Variants in ORC3 observed in about 807,000 individuals in gnomAD.
The protein encoded by ORC3 is homolog of latheo, Drosophila.
A neutral mutation model predicts 100.7 loss-of-function variants in ORC3; 78 were observed. The observed-to-expected ratio is 0.77, with a 90% CI of 0.65 to 0.94. ORC3 has a LOEUF of 0.94. ORC3 is among the 40% of genes least tolerant of loss of function. The pLI, the probability that ORC3 is intolerant of heterozygous loss-of-function variation, is 0.00. For synonymous variants in ORC3, 295 were observed against 289.3 expected (o/e 1.02, Z -0.20); for missense variants, 789 against 823.9 (o/e 0.96, Z 0.52).
downstream of ORC3, among the ~76,000 whole-genome samples, chr6:87,668,970 G>A (rs182517353): frequency 4.2e-3 from 633 of 151,952 alleles, 3 homozygotes; most frequent in Non-Finnish European, 7.2e-3. Flanking sequence ...GCGACAGAGC[G>A]AGACTCTGTA....
At chr6:87,594,020 T>G (rs1227156156) in intron 1 of ORC3, among the ~76,000 whole-genome samples, 2 of 152,256 alleles carry the variant, frequency 1.3e-5, no homozygotes, top group Non-Finnish European at 2.9e-5. Context: ...TATTAATTCC[T>G]TTAAGTTTAT....
Position 87,656,920 on chromosome 6 carries a change from G to A in ORC3, c.1531G>A (p.Glu511Lys), listed in dbSNP as rs763237561. The change falls in exon 15 of 20, where the codon GAA becomes AAA. Residue 511 changes from glutamate to lysine, a missense_variant. By Grantham distance (56) the Glu-to-Lys change is moderately conservative (BLOSUM62 1). Coordinates refer to ENST00000392844, the MANE Select transcript of ORC3 (RefSeq NM_012381.4). Reference sequence around the variant, plus strand: ...ATTAAAAGCAGAAACCAAAGAGGAAGAAGATGCTTCTGGGTCACAGCCAAA... The same window carrying A: ...ATTAAAAGCAGAAACCAAAGAGGAAAAAGATGCTTCTGGGTCACAGCCAAA... ...FQSLDETKEE[E>K]DASGSQPKGL... 4.3e-6 allele frequency: 7 copies of A among 1,612,362 alleles called. No homozygotes were observed. In the Admixed American group the frequency reaches 1.2e-4, roughly 27 times the overall value.
intron 16 of ORC3, among the ~76,000 whole-genome samples, chr6:87,659,267 T>G (rs1184564992): frequency 6.6e-6 from 1 of 151,746 alleles, no homozygotes; most frequent in Non-Finnish European, 1.5e-5. Context: ...TTTCACCATG[T>G]TGGTCAGGCT....
intron 17 of ORC3, among the ~76,000 whole-genome samples, chr6:87,664,051 T>C (rs1770409095): frequency 6.6e-6 from 1 of 152,158 alleles, no homozygotes; most frequent in South Asian, 2.1e-4. Flanking sequence ...TCAGTTAATT[T>C]TAATATATAA....
At chr6:87,599,345 CTTTTT>C (rs111578013) in intron 2 of ORC3, among the ~76,000 whole-genome samples, 19 of 139,818 alleles carry the variant, frequency 1.4e-4, no homozygotes, top group African/African-American at 5.3e-4. Context: ...TGCTTTGTCT[CTTTTT>C]TTTATTATTT....
intron 11 of ORC3, among the ~76,000 whole-genome samples, chr6:87,633,030 G>C (rs1004857691): frequency 1.3e-5 from 2 of 152,150 alleles, no homozygotes; most frequent in African/African-American, 4.8e-5. Context: ...TGAGTATGCA[G>C]TATTGCCCTA....
chr6:87,606,253 G>A (rs1019670639), intron 5 of ORC3, among the ~76,000 whole-genome samples: 6 of 152,076 alleles, frequency 3.9e-5, no homozygotes, highest in African/African-American at 7.2e-5. Flanking sequence ...CTTAACTGCC[G>A]GTAGCAGTCC....
At chr6:87,619,727 A>G (rs748640248) in intron 9 of ORC3, among the ~76,000 whole-genome samples, 15 of 152,156 alleles carry the variant, frequency 9.9e-5, no homozygotes, top group Non-Finnish European at 1.5e-4. Context: ...ATTCATGTGT[A>G]TTATCCTCAG....
intron 2 of ORC3, among the ~76,000 whole-genome samples, chr6:87,597,339 A>C (rs1777524529): frequency 6.6e-6 from 1 of 152,152 alleles, no homozygotes; most frequent in Middle Eastern, 3.2e-3. Context: ...TTGGTACTCA[A>C]AAAGTTTCAG....
chr6:87,652,042 G>A (rs1769315070), intron 13 of ORC3, among the ~76,000 whole-genome samples: 2 of 150,646 alleles, frequency 1.3e-5, no homozygotes, highest in African/African-American at 4.9e-5. Context: ...GGGACTACAG[G>A]CGCCCACCAC....
At position 87,621,424 on chromosome 6, in the gene ORC3, G is replaced by A. The variant is rs771624421; in HGVS notation, c.1058G>A (p.Arg353Lys). 1.9e-6 allele frequency: 3 copies of A among 1,602,918 alleles called. No individual in the cohort carries two copies. Among genetic ancestry groups the A allele is most frequent in the African/African-American group, 1.3e-5 (1 of 74,152 alleles). Residue 353 changes from arginine (R) to lysine (K), a missense_variant, in exon 10 of 20, where the codon AGA becomes AAA. Arg to Lys is a conservative substitution (Grantham distance 26). Coordinates refer to ENST00000392844, the MANE Select transcript of ORC3 (RefSeq NM_012381.4). ...VLCCNLPEAK[R>K]RINFLSNNQC... is the part of the protein sequence containing the mutation. ...TGCTGTAATCTTCCAGAAGCCAAAA[G>A]AAGAATAAATTTTTTATCAAATAAT...
intron 16 of ORC3, among the ~76,000 whole-genome samples, chr6:87,662,524 A>T (rs1770269749): frequency 6.6e-6 from 1 of 152,198 alleles, no homozygotes; most frequent in Admixed American, 6.5e-5. Flanking sequence ...GTGATCCAAG[A>T]AGAATTTCCT....
intron 11 of ORC3, among the ~76,000 whole-genome samples, chr6:87,628,144 T>G (rs1272489157): frequency 6.6e-6 from 1 of 152,208 alleles, no homozygotes; most frequent in Non-Finnish European, 1.5e-5. Flanking sequence ...GCACCACATG[T>G]TCTCATTTGT....
At chr6:87,659,601 G>T (rs939309931) in intron 16 of ORC3, among the ~76,000 whole-genome samples, 1 of 151,988 alleles carries the variant, frequency 6.6e-6, no homozygotes, top group Non-Finnish European at 1.5e-5. Flanking sequence ...ATCAACCAAG[G>T]CCGGGCGCAT....
intron 9 of ORC3, among the ~76,000 whole-genome samples, chr6:87,620,710 A>G (rs903363789): frequency 6.6e-6 from 1 of 152,214 alleles, no homozygotes; most frequent in African/African-American, 2.4e-5. Context: ...AGACTATCCA[A>G]ATGTATACAA....
intron 8 of ORC3, among the ~76,000 whole-genome samples, chr6:87,615,102 C>T (rs535471590): frequency 6.6e-6 from 1 of 152,258 alleles, no homozygotes; most frequent in South Asian, 2.1e-4. Flanking sequence ...GGGGAGGCCT[C>T]AATCATGGTG....
chr6:87,620,715 A>G (rs1398431033), intron 9 of ORC3, among the ~76,000 whole-genome samples: 1 of 152,200 alleles, frequency 6.6e-6, no homozygotes, highest in Non-Finnish European at 1.5e-5. Flanking sequence ...ATCCAAATGT[A>G]TACAAGATTA....
In ORC3 at chr6:87,609,210, G is replaced by A; in HGVS notation, c.694G>A (p.Asp232Asn). Reference sequence around the variant, plus strand: ...AAGCTTTGCCACAAAAGTACTACAAGACTTCATAATTATCAGCAGGTAGAT... The same window carrying A: ...AAGCTTTGCCACAAAAGTACTACAAAACTTCATAATTATCAGCAGGTAGAT... ...MESFATKVLQ[D>N]FIIISSQHLH... Residue 232 changes from aspartate (D) to asparagine (N), a missense_variant, in exon 7 of 20, where the codon GAC becomes AAC. Asp to Asn is a conservative substitution (Grantham distance 23, BLOSUM62 1). Transcript: ENST00000392844. The A allele has an allele frequency of 6.3e-7, 1 of 1,599,250 alleles. No homozygotes were observed. The highest frequency in any genetic ancestry group is 1.1e-5 in the South Asian group (1 of 87,990).
chr6:87,655,252 A>G (rs926667865), intron 14 of ORC3, among the ~76,000 whole-genome samples: 1 of 152,004 alleles, frequency 6.6e-6, no homozygotes, highest in Non-Finnish European at 1.5e-5. Flanking sequence ...TTGTGCAGTC[A>G]TAGCTCACAG....
Sources: gnomAD v4.1 joint callset for allele counts (sites outside exome capture counted in the v4.1 genomes callset) on GRCh38, gnomAD v4.1.1 for gene constraint, MANE v1.5 for transcripts, NCBI Gene and HGNC (gene_info 2026-07-23, HGNC 2026-07-21) for gene names.